PABPC1: variants seen among roughly 807,000 people sequenced by gnomAD.
PABPC1 encodes polyadenylate-binding protein 1.
PABPC1 carries 4 observed loss-of-function variants against 74.0 expected under a neutral mutation model. The ratio of observed to expected loss-of-function variants is 0.05; its 90% CI spans 0.03 to 0.12. The LOEUF is 0.12. Among genes scored for constraint, PABPC1 ranks in the 10% least tolerant of loss-of-function variants. The probability of loss-of-function intolerance (pLI) is 1.00; values close to 1 mark genes in which losing one functional copy is unlikely to be tolerated. For synonymous variants in PABPC1, 227 were observed against 264.1 expected (o/e 0.86, Z 1.36); for missense variants, 271 against 821.1 (o/e 0.33, Z 8.19).
At chr8:100,714,261 A>T (rs1290289456) in intron 4 of PABPC1, among the ~76,000 whole-genome samples, 2 of 152,240 alleles carry the variant, frequency 1.3e-5, no homozygotes. Context: ...GCTTCTAATT[A>T]TAAGACATTA....
chr8:100,708,639 G>T (rs932306464), intron 9 of PABPC1, among the ~76,000 whole-genome samples: 7 of 152,148 alleles, frequency 4.6e-5, no homozygotes, highest in Non-Finnish European at 7.3e-5. Flanking sequence ...ACTTTAGGAG[G>T]CTGAGGTGGG....
intron 6 of PABPC1, 55 bp downstream of exon 6, chr8:100,712,597 G>A (rs116959198): frequency 1.7e-5 from 27 of 1,569,468 alleles, no homozygotes; most frequent in Middle Eastern, 1.7e-4. Flanking sequence ...TGAAATCAAC[G>A]TAAAATAGGT....
intron 7 of PABPC1, among the ~76,000 whole-genome samples, chr8:100,710,327 C>T (rs140742764): frequency 3.9e-5 from 6 of 152,288 alleles, no homozygotes; most frequent in East Asian, 3.9e-4. Flanking sequence ...GAACCACTCG[C>T]TAGGCCAGCA....
At chr8:100,707,245 T>A in intron 9 of PABPC1, 2 of 346,560 alleles carry the variant, frequency 5.8e-6, no homozygotes. Flanking sequence ...TCTCCCTGTA[T>A]GCAGCGACGA....
At chr8:100,719,725 A>G (rs1298425662) in intron 1 of PABPC1, among the ~76,000 whole-genome samples, 1 of 152,220 alleles carries the variant, frequency 6.6e-6, no homozygotes, top group Non-Finnish European at 1.5e-5. Flanking sequence ...TTGGATTTAA[A>G]AACGTTAAGC....
intron 4 of PABPC1, among the ~76,000 whole-genome samples, chr8:100,713,874 T>C (rs906233837): frequency 2.6e-5 from 4 of 152,152 alleles, no homozygotes; most frequent in East Asian, 1.9e-4. Context: ...AAGGAATACA[T>C]AGTTGGACTC....
Position 100,703,093 on chromosome 8 carries a change from T to C in PABPC1, c.*268A>G, listed in dbSNP as rs1810284804. On this transcript the variant is annotated 3_prime_UTR_variant, in exon 15 of 15. Coordinates refer to ENST00000318607, the MANE Select transcript of PABPC1 (RefSeq NM_002568.4). The stretch of plus-strand genomic sequence containing the variant: ...TTTTTGTACTTTGCTGAAAATTCTT[T>C]TTCCCAGGGTCTATAAAACATTAAT... 1 of 163,680 alleles carries C rather than the reference T, an allele frequency of 6.1e-6. No individual in the cohort carries two copies. The highest frequency in any genetic ancestry group is 2.1e-4 in the South Asian group (1 of 4,838). 10.1% of individuals were successfully genotyped at this position (163,680 alleles called of 1,614,324 possible). A position where few individuals can be genotyped will look rare whatever the true frequency, so the allele number is the denominator to read the frequency against.
rs1810818588 is a variant in PABPC1, at chr8:100,721,243, G to A, written c.193+148C>T. ...CGCCGGCTCGGGAAACGCGGCTCCA[G>A]GGACCCCGGCGCCTTCCCGCCGGCC... On this transcript the variant is annotated intron_variant, in intron 1 of 14. Coordinates refer to ENST00000318607, the MANE Select transcript of PABPC1 (RefSeq NM_002568.4). The surrounding 1 kb of genome is among the most constrained non-coding windows in gnomAD (Gnocchi z 7.4). 4.2e-6 allele frequency: 1 copy of A among 236,468 alleles called. No homozygotes were observed. Among genetic ancestry groups the A allele is most frequent in the African/African-American group, 2.3e-5 (1 of 42,836 alleles). 14.6% of individuals were successfully genotyped at this position (236,468 alleles called of 1,614,324 possible). A position where few individuals can be genotyped will look rare whatever the true frequency, so the allele number is the denominator to read the frequency against.
At chr8:100,709,374 C>T (rs913952879) in intron 8 of PABPC1, 85 bp downstream of exon 8, 12 of 1,533,822 alleles carry the variant, frequency 7.8e-6, no homozygotes, top group African/African-American at 1.4e-5. Context: ...TAATGTTTCA[C>T]ATTTGCGGGG....
intron 9 of PABPC1, among the ~76,000 whole-genome samples, chr8:100,708,317 G>A (rs920635081): frequency 5.3e-5 from 8 of 152,238 alleles, no homozygotes; most frequent in East Asian, 1.9e-4. Flanking sequence ...TTAGCTGGGC[G>A]TGGTGGCGTG....
rs1041307298 is a variant in PABPC1 at position 100,705,172 on chromosome 8, C to T, written c.1688-116G>A. The T allele has an allele frequency of 7.7e-6, 6 of 780,710 alleles. No individual in the cohort carries two copies. In the African/African-American group the frequency reaches 8.8e-5, roughly 11 times the overall value. 48.4% of individuals were successfully genotyped at this position (780,710 alleles called of 1,614,324 possible). A position where few individuals can be genotyped will look rare whatever the true frequency, so the allele number is the denominator to read the frequency against. ...TACTTCTGTCTCACGTATATAATAA[C>T]CCATAATCCACAATTTCATTATGTC... On this transcript the variant is annotated intron_variant, in intron 12 of 14. Transcript: ENST00000318607.
chr8:100,715,993 A>G (rs958273823), intron 3 of PABPC1, among the ~76,000 whole-genome samples: 14 of 152,246 alleles, frequency 9.2e-5, no homozygotes, highest in Non-Finnish European at 1.9e-4. Flanking sequence ...TCCTAGAATA[A>G]AAATTTAAAC....
chr8:100,717,904 TAC>T lies in PABPC1; in HGVS notation c.388-18_388-17del. On this transcript the variant is annotated splice_polypyrimidine_tract_variant and intron_variant, in intron 2 of 14. Transcript: ENST00000318607. ...CACAAACCACCTAGGGAAAAACATA[TAC>T]CCATTTTTCTTTATTTGCTATTGAT... The T allele has an allele frequency of 6.9e-7, 1 of 1,457,308 alleles. No individual in the cohort carries two copies. Among genetic ancestry groups the T allele is most frequent in the Non-Finnish European group, 9.5e-7 (1 of 1,056,246 alleles). The allele number at this position is 1,457,308 out of a possible 1,614,324, so 90.3% of individuals were successfully genotyped here. A position where few individuals can be genotyped will look rare whatever the true frequency, so the allele number is the denominator to read the frequency against.
intron 4 of PABPC1, among the ~76,000 whole-genome samples, chr8:100,714,697 C>G (rs986964257): frequency 1.1e-4 from 17 of 152,104 alleles, no homozygotes; most frequent in African/African-American, 4.1e-4. Flanking sequence ...TGACTGCACT[C>G]CAGCCCGGGT....
At position 100,721,772 on chromosome 8, in the gene PABPC1, G is replaced by A; in HGVS notation, c.-189C>T. 2.1e-6 allele frequency: 1 copy of A among 471,724 alleles called. No homozygotes were observed. Among genetic ancestry groups the A allele is most frequent in the Non-Finnish European group, 3.6e-6 (1 of 276,736 alleles). The allele number at this position is 471,724 out of a possible 1,614,324, so 29.2% of individuals were successfully genotyped here. The stretch of plus-strand genomic sequence containing the variant: ...GGTCGATCCACTGCCGCTGGCTGCC[G>A]GCTGCCGGCGGGGAGCGAGGGTGGC... On this transcript the variant is annotated 5_prime_UTR_variant, in exon 1 of 15. Transcript: ENST00000318607. This position sits in a 1 kb window ranked among gnomAD's most constrained non-coding sequence, Gnocchi z 7.4.
intron 9 of PABPC1, 78 bp from the exon 10 acceptor site, chr8:100,707,075 C>T: frequency 9.4e-7 from 1 of 1,063,878 alleles, no homozygotes; most frequent in Non-Finnish European, 1.4e-6. Context: ...CTTCTTCGAT[C>T]TGAGGTTTGC....
rs547376504 is a variant in PABPC1, at chr8:100,709,736, T to TAAAAAAAAGA, written c.973-15_973-6dup. ...GCGACCACCCTCCATCATAACCTATTAAAAAAAAGAAAAAAAAAGTTAACG... is the reference window on the plus strand; with the variant it reads ...GCGACCACCCTCCATCATAACCTATTAAAAAAAAGAAAAAAAAAGAAAAAAAAAGTTAACG... On this transcript the variant is annotated splice_polypyrimidine_tract_variant and splice_region_variant and intron_variant, in intron 7 of 14. Coordinates refer to ENST00000318607, the MANE Select transcript of PABPC1 (RefSeq NM_002568.4). The TAAAAAAAAGA allele has an allele frequency of 5.3e-4, 749 of 1,421,574 alleles. 6 individuals carry two copies. The African/African-American group carries it at 9.4e-3, about 18-fold the overall frequency. The allele number at this position is 1,421,574 out of a possible 1,614,324, so 88.1% of individuals were successfully genotyped here.
chr8:100,709,287 A>G, intron 8 of PABPC1, 64 bp from the exon 9 acceptor site: 3 of 1,503,434 alleles, frequency 2.0e-6, no homozygotes, highest in African/African-American at 1.4e-5. Flanking sequence ...GCAATAAATT[A>G]TATGTACTTT....
At chr8:100,705,513 T>C (rs2129671337) in intron 12 of PABPC1, 76 bp downstream of exon 12, 1 of 864,050 alleles carries the variant, frequency 1.2e-6, no homozygotes, top group East Asian at 2.5e-5. Flanking sequence ...AGCTGTCAAT[T>C]GATTGACCTA....
Sources: allele counts gnomAD v4.1 joint callset (sites outside exome capture counted in the v4.1 genomes callset), GRCh38; gene constraint gnomAD v4.1.1; non-coding constraint Gnocchi (gnomAD v3.1); transcripts MANE v1.5; gene names NCBI Gene and HGNC (gene_info 2026-07-23, HGNC 2026-07-21).